Variants in ZMPSTE24 observed in about 807,000 individuals in gnomAD.
ZMPSTE24 encodes the protein zinc metallopeptidase STE24, also known as CAAX prenyl protease 1 homolog.
Under a neutral mutation model 56.7 loss-of-function variants are expected in ZMPSTE24, and 48 were observed. That is an observed-to-expected ratio of 0.85 (90% CI 0.67 to 1.08). ZMPSTE24 has a LOEUF of 1.08. ZMPSTE24 is among the 50% of genes least tolerant of loss of function. The pLI, the probability that ZMPSTE24 is intolerant of heterozygous loss-of-function variation, is 0.00. For synonymous variants in ZMPSTE24, 172 were observed against 195.2 expected, an observed-to-expected ratio of 0.88 and a Z score of 0.99; for missense variants, 503 against 548.7, an observed-to-expected ratio of 0.92 and a Z score of 0.83.
chr1:40,268,217 T>TA, intron 3 of ZMPSTE24, among the ~76,000 whole-genome samples: 1 of 152,306 alleles, frequency 6.6e-6, no homozygotes, highest in South Asian at 2.1e-4. Context: ...GCCTGTGTAA[T>TA]AAAAAAGGAA....
intron 6 of ZMPSTE24, among the ~76,000 whole-genome samples, chr1:40,273,538 ATATATATATATAT>A (rs370875594): frequency 6.3e-4 from 11 of 17,356 alleles, no homozygotes; most frequent in East Asian, 3.4e-3. Context: ...AAAAAAAAAA[ATATATATATATAT>A]ATATATATAT....
At chr1:40,264,258 C>T (rs770024203) in intron 2 of ZMPSTE24, among the ~76,000 whole-genome samples, 3 of 152,122 alleles carry the variant, frequency 2.0e-5, no homozygotes, top group Non-Finnish European at 4.4e-5. Context: ...TGCTTGAACC[C>T]GGGAGGTGGA....
chr1:40,293,403 TATG>T lies in ZMPSTE24; in HGVS notation c.*737_*739del, dbSNP rs1643862436. The T allele has an allele frequency of 6.6e-6, 1 of 152,226 alleles. No homozygotes were observed. The highest frequency in any genetic ancestry group is 1.5e-5 in the Non-Finnish European group (1 of 68,054). The allele number at this position is 152,226 out of a possible 1,614,324, so 9.4% of individuals were successfully genotyped here. ...TTATCTTTTTTTCCCACGTGGTAGA[TATG>T]ATCCCATTGGAGGTAAATTGTAGCT... On this transcript the variant is annotated 3_prime_UTR_variant, in exon 10 of 10. Coordinates refer to ENST00000372759, the MANE Select transcript of ZMPSTE24 (RefSeq NM_005857.5).
At chr1:40,261,025 G>A in intron 2 of ZMPSTE24, 40 bp downstream of exon 2, 1 of 1,612,442 alleles carries the variant, frequency 6.2e-7, no homozygotes, top group African/African-American at 1.3e-5. Flanking sequence ...CTGTCTGGTT[G>A]TTTTCATTTT....
At position 40,281,518 on chromosome 1, in the gene ZMPSTE24, T is replaced by C. The variant is rs1643729739; in HGVS notation, c.945T>C (p.Ala315=). 2 of 1,613,836 alleles carry C rather than the reference T, an allele frequency of 1.2e-6. No homozygotes were observed. The highest frequency in any genetic ancestry group is 4.5e-5 in the East Asian group (2 of 44,824). Residue 315 remains alanine, a synonymous_variant, in exon 7 of 10, where the codon GCT becomes GCC. Coordinates refer to ENST00000372759, the MANE Select transcript of ZMPSTE24 (RefSeq NM_005857.5). ...AAGGGAACAGTGAAGAAATAAAAGC[T>C]AAAGTTAAAGTGAGTTATTTTTTCC... The part of the protein sequence containing the change: ...EEEGNSEEIK[A]KVKNKKQGCK...
Position 40,260,822 on chromosome 1 carries a change from T to C in ZMPSTE24, c.124-17T>C, listed in dbSNP as rs200370514. ...AAACAACTATTTCACTAAAGTGTTT[T>C]CTTTAAAATATTTCAGAGAAGGATA... On this transcript the variant is annotated splice_polypyrimidine_tract_variant and intron_variant, in intron 1 of 9. Coordinates refer to ENST00000372759, the MANE Select transcript of ZMPSTE24 (RefSeq NM_005857.5). The C allele has an allele frequency of 6.2e-7, 1 of 1,611,130 alleles. No individual in the cohort carries two copies. Among genetic ancestry groups the C allele is most frequent in the African/African-American group, 1.3e-5 (1 of 74,988 alleles).
intron 8 of ZMPSTE24, among the ~76,000 whole-genome samples, chr1:40,286,272 T>C (rs1569660287): frequency 6.6e-6 from 1 of 152,150 alleles, no homozygotes; most frequent in Non-Finnish European, 1.5e-5. Context: ...AGTTAATACA[T>C]GTAAAGAGTT....
At chr1:40,262,196 A>G (rs996369016) in intron 2 of ZMPSTE24, among the ~76,000 whole-genome samples, 2 of 152,234 alleles carry the variant, frequency 1.3e-5, no homozygotes, top group African/African-American at 2.4e-5. Context: ...AGCTCATCAC[A>G]AAATTTTTCT....
chr1:40,274,966 T>A (rs1569639150), intron 6 of ZMPSTE24, among the ~76,000 whole-genome samples: 2 of 152,088 alleles, frequency 1.3e-5, no homozygotes, highest in East Asian at 3.9e-4. Context: ...TATATGGTAG[T>A]TTCCTGAGAT....
At chr1:40,278,110 A>G (rs185663324) in intron 6 of ZMPSTE24, among the ~76,000 whole-genome samples, 36 of 152,278 alleles carry the variant, frequency 2.4e-4, no homozygotes, top group African/African-American at 8.4e-4. Context: ...TAATAATGCA[A>G]TAAATAAATA....
intron 8 of ZMPSTE24, among the ~76,000 whole-genome samples, chr1:40,290,356 C>A (rs367699291): frequency 6.6e-6 from 1 of 150,474 alleles, no homozygotes; most frequent in Non-Finnish European, 1.5e-5. Flanking sequence ...CTGAGCTCCA[C>A]CCTGGGCGAC....
At chr1:40,277,163 T>G (rs1237099450) in intron 6 of ZMPSTE24, among the ~76,000 whole-genome samples, 1 of 151,250 alleles carries the variant, frequency 6.6e-6, no homozygotes, top group Non-Finnish European at 1.5e-5. Flanking sequence ...TTGGCTCACT[T>G]CAAGCTCCGC....
At chr1:40,272,066 T>C in intron 6 of ZMPSTE24, 31 bp downstream of exon 6, 3 of 1,568,518 alleles carry the variant, frequency 1.9e-6, no homozygotes, top group African/African-American at 2.7e-5. Flanking sequence ...GAAAGTTTTA[T>C]CCAAGTGGTT....
At position 40,270,104 on chromosome 1, in the gene ZMPSTE24, C is replaced by A; in HGVS notation, c.604C>A (p.Leu202Met). 6.2e-7 allele frequency: 1 copy of A among 1,613,846 alleles called. No homozygotes were observed. Among genetic ancestry groups the A allele is most frequent in the Non-Finnish European group, 8.5e-7 (1 of 1,179,918 alleles). Residue 202 changes from leucine to methionine, a missense_variant, in exon 5 of 10, where the codon CTG becomes ATG. By Grantham distance (15) the Leu-to-Met change is conservative (BLOSUM62 2). Coordinates refer to ENST00000372759, the MANE Select transcript of ZMPSTE24 (RefSeq NM_005857.5). ...GGDYFFIYAW[L>M]FTLVVSLVLV... Reference sequence around the variant, plus strand: ...TGACTATTTTTTTATTTATGCCTGGCTGTTCACATTAGTTGTGTCTCTGGT... The same window carrying A: ...TGACTATTTTTTTATTTATGCCTGGATGTTCACATTAGTTGTGTCTCTGGT...
At chr1:40,289,196 A>T (rs1411841101) in intron 8 of ZMPSTE24, among the ~76,000 whole-genome samples, 1 of 152,232 alleles carries the variant, frequency 6.6e-6, no homozygotes, top group Non-Finnish European at 1.5e-5. Context: ...TGGTGCCTTC[A>T]TAACTTGCTT....
In ZMPSTE24 at chr1:40,274,616, T is replaced by A. The variant is rs372231051; in HGVS notation, c.769+2581T>A. Among the ~76,000 whole-genome samples the A allele has an allele frequency of 7.9e-5, 12 of 152,278 alleles. 1 individual carries two copies. Among genetic ancestry groups the A allele is most frequent in the East Asian group, 3.9e-4 (2 of 5,182 alleles). ...AATCTGAGACATAGGCAAGAATCAG[T>A]CCACATAGGCCTTTGTAAGTCAGGG... On this transcript the variant is annotated intron_variant, in intron 6 of 9. Transcript: ENST00000372759.
chr1:40,275,765 A>C (rs1043952361), intron 6 of ZMPSTE24, among the ~76,000 whole-genome samples: 10 of 151,740 alleles, frequency 6.6e-5, no homozygotes, highest in African/African-American at 2.2e-4. Context: ...AAAAAAAAAA[A>C]AAAAAAAAAC....
chr1:40,274,155 G>A (rs1039874807), intron 6 of ZMPSTE24, among the ~76,000 whole-genome samples: 4 of 152,196 alleles, frequency 2.6e-5, no homozygotes, highest in Admixed American at 6.5e-5. Flanking sequence ...CATCTACTGG[G>A]GAGGCTGAGG....
At position 40,260,958 on chromosome 1, in the gene ZMPSTE24, A is replaced by C. The variant is rs531898177; in HGVS notation, c.243A>C (p.Ser81=). 7 of 1,614,170 alleles carry C rather than the reference A, an allele frequency of 4.3e-6. No homozygotes were observed. The South Asian group carries it at 7.7e-5, about 18-fold the overall frequency. The change falls in exon 2 of 10, where the codon TCA becomes TCC. Residue 81 remains serine (S), a synonymous_variant. Transcript: ENST00000372759. The part of the protein sequence containing the change: ...QLDKSTFSFW[S]GLYSETEGTL... ...ATAAAAGCACTTTCAGCTTCTGGTC[A>C]GGACTCTATTCAGAGACTGAAGGCA...
Sources: allele counts gnomAD v4.1 joint callset (sites outside exome capture counted in the v4.1 genomes callset), GRCh38; gene constraint gnomAD v4.1.1; transcripts MANE v1.5; gene names NCBI Gene and HGNC (gene_info 2026-07-23, HGNC 2026-07-21).